The following PTCSC3 variants were observed in gnomAD, a reference collection of about 807,000 sequenced individuals.
PTCSC3 encodes the protein papillary thyroid carcinoma susceptibility candidate 3 (non-protein coding).
rs369733342 is a variant in PTCSC3, at chr14:36,138,669, A to G, written n.323-2313T>C. On this transcript the variant is annotated intron_variant and non_coding_transcript_variant, in intron 3 of 3. Coordinates refer to ENST00000556013, the Ensembl canonical transcript of PTCSC3. ...AATGGCTAAAATTTAAAAGATTGAC[A>G]TAACCAAGTATTGGTGAGAATATGG... 5.3e-5 allele frequency among the ~76,000 whole-genome samples: 8 copies of G among 152,372 alleles called. No individual in the cohort carries two copies. In the East Asian group the frequency reaches 9.6e-4, roughly 18 times the overall value.
chr14:36,147,663 G>A (rs1057126327), intron 3 of PTCSC3, among the ~76,000 whole-genome samples: 17 of 152,014 alleles, frequency 1.1e-4, no homozygotes, highest in South Asian at 2.1e-4. Context: ...CTCTCAGCTC[G>A]TCAAAGTCAT....
chr14:36,145,303 G>T (rs866785179), intron 3 of PTCSC3, among the ~76,000 whole-genome samples: 22 of 151,274 alleles, frequency 1.5e-4, no homozygotes, highest in African/African-American at 5.4e-4. Context: ...ACTCTTTTTG[G>T]TTGGTAAGAT....
At chr14:36,175,186 C>G (rs1882261563) in intron 1 of PTCSC3, among the ~76,000 whole-genome samples, 1 of 152,170 alleles carries the variant, frequency 6.6e-6, no homozygotes, top group Non-Finnish European at 1.5e-5. Context: ...GACTGCCATG[C>G]TCTGCTCAGA....
At chr14:36,139,166 A>T (rs921873016) in intron 3 of PTCSC3, among the ~76,000 whole-genome samples, 1 of 151,712 alleles carries the variant, frequency 6.6e-6, no homozygotes, top group Non-Finnish European at 1.5e-5. Flanking sequence ...CCATACAAAG[A>T]CTGCACATGG....
intron 2 of PTCSC3, among the ~76,000 whole-genome samples, chr14:36,162,272 A>AAAAAC (rs1555331780): frequency 6.6e-6 from 1 of 150,676 alleles, no homozygotes; most frequent in Non-Finnish European, 1.5e-5. Context: ...AAAAAAAAAA[A>AAAAAC]AAAAAAAAAA....
chr14:36,158,803 G>T lies in PTCSC3; in HGVS notation n.231+3821C>A, dbSNP rs114893924. 1.8e-3 allele frequency among the ~76,000 whole-genome samples: 271 copies of T among 152,168 alleles called. 3 individuals are homozygous for T. The highest frequency in any genetic ancestry group is 6.1e-3 in the African/African-American group (254 of 41,534). On this transcript the variant is annotated intron_variant and non_coding_transcript_variant, in intron 2 of 3. Coordinates refer to ENST00000556013, the Ensembl canonical transcript of PTCSC3. ...AGGGAGGAGTCCTTCTTTTTCTTTTGTTTGGAATAGTTTCAGAAGGAACAG... is the reference window on the plus strand; with the variant it reads ...AGGGAGGAGTCCTTCTTTTTCTTTTTTTTGGAATAGTTTCAGAAGGAACAG...
At chr14:36,146,530 T>A (rs1257144983) in intron 3 of PTCSC3, among the ~76,000 whole-genome samples, 2 of 151,994 alleles carry the variant, frequency 1.3e-5, no homozygotes, top group African/African-American at 2.4e-5. Context: ...TCTTCCTCCA[T>A]CCTTTTATTT....
At chr14:36,139,433 C>G (rs1390003992) in intron 3 of PTCSC3, among the ~76,000 whole-genome samples, 2 of 152,082 alleles carry the variant, frequency 1.3e-5, no homozygotes, top group African/African-American at 4.8e-5. Flanking sequence ...TAACTGGGCT[C>G]CAGTTTTAAA....
intron 3 of PTCSC3, among the ~76,000 whole-genome samples, chr14:36,140,903 C>T (rs1431120621): frequency 2.0e-5 from 3 of 151,974 alleles, no homozygotes; most frequent in African/African-American, 4.8e-5. Context: ...AGTTGATTTT[C>T]GTGAAAGGTG....
intron 2 of PTCSC3, among the ~76,000 whole-genome samples, chr14:36,161,721 C>A (rs576070269): frequency 6.6e-6 from 1 of 152,328 alleles, no homozygotes; most frequent in South Asian, 2.1e-4. Context: ...TTTGAGGAGG[C>A]AGTCTGACCC....
chr14:36,135,726 C>G (rs1378786002), downstream of PTCSC3, among the ~76,000 whole-genome samples: 1 of 152,070 alleles, frequency 6.6e-6, no homozygotes, highest in Non-Finnish European at 1.5e-5. Flanking sequence ...TTTTAAATCT[C>G]TTTTATTAGG....
At chr14:36,162,257 GGAAAAAAA>G (rs1566509616) in intron 2 of PTCSC3, among the ~76,000 whole-genome samples, 1 of 59,638 alleles carries the variant, frequency 1.7e-5, no homozygotes, top group Admixed American at 1.7e-4. Flanking sequence ...GCTGGGGTAT[GGAAAAAAA>G]AAAAAAAAAA....
intron 3 of PTCSC3, among the ~76,000 whole-genome samples, chr14:36,152,386 T>C (rs1269966860): frequency 1.1e-4 from 16 of 152,064 alleles, no homozygotes; most frequent in Admixed American, 9.8e-4. Flanking sequence ...GCCCAGGAAT[T>C]TGAGTCTACA....
At position 36,174,158 on chromosome 14, in the gene PTCSC3, G is replaced by T. The variant is rs935679445; in HGVS notation, n.171+2140C>A. Among the ~76,000 whole-genome samples the T allele has an allele frequency of 2.0e-5, 3 of 152,058 alleles. No individual in the cohort carries two copies. In the East Asian group the frequency reaches 5.8e-4, roughly 29 times the overall value. On this transcript the variant is annotated intron_variant and non_coding_transcript_variant, in intron 1 of 3. Transcript: ENST00000556013. ...TCAAATGTGGGGAGTTCGGGGCCAT[G>T]ATTTCTTCCAATTATTTTTGCCTCA...
chr14:36,149,697 T>G (rs1234434249), intron 3 of PTCSC3, among the ~76,000 whole-genome samples: 1 of 152,242 alleles, frequency 6.6e-6, no homozygotes, highest in Non-Finnish European at 1.5e-5. Flanking sequence ...ACACTTTTAT[T>G]AATATATAAC....
rs1188686009 is a variant in PTCSC3 at position 36,145,661 on chromosome 14, T to C, written n.322+8143A>G. Among the ~76,000 whole-genome samples, 2 of 86,150 alleles carry C rather than the reference T, an allele frequency of 2.3e-5. 1 individual carries two copies. The highest frequency in any genetic ancestry group is 7.5e-5 in the African/African-American group (2 of 26,550). The allele number at this position is 86,150 out of a possible 152,430, so 56.5% of individuals were successfully genotyped here. On this transcript the variant is annotated intron_variant and non_coding_transcript_variant, in intron 3 of 3. Coordinates refer to ENST00000556013, the Ensembl canonical transcript of PTCSC3. ...AGGGTTTTTTTGTGTCTCTATTTCC[T>C]TCAGTTCTGCTCTGATTTTAGTTAT...
chr14:36,170,173 A>G (rs1265069547), intron 1 of PTCSC3, among the ~76,000 whole-genome samples: 1 of 151,880 alleles, frequency 6.6e-6, no homozygotes, highest in African/African-American at 2.4e-5. Context: ...AAGTATTTTT[A>G]TAATTAAAAA....
chr14:36,149,003 C>G lies in PTCSC3; in HGVS notation n.322+4801G>C, dbSNP rs140050826. On this transcript the variant is annotated intron_variant and non_coding_transcript_variant, in intron 3 of 3. Coordinates refer to ENST00000556013, the Ensembl canonical transcript of PTCSC3. ...TCCCCTTTTTCAATTTTGTTAATTT[C>G]CACTCTAATTTTTATTAGCTCTTTT... Among the ~76,000 whole-genome samples, 318 of 151,800 alleles carry G rather than the reference C, an allele frequency of 2.1e-3. 4 individuals are homozygous for G. The highest frequency in any genetic ancestry group is 1.3e-3 in the Non-Finnish European group (87 of 67,926).
chr14:36,156,440 T>C (rs1881827075), intron 2 of PTCSC3, among the ~76,000 whole-genome samples: 1 of 150,310 alleles, frequency 6.7e-6, no homozygotes, highest in Non-Finnish European at 1.5e-5. Flanking sequence ...TCTTCATTCA[T>C]TCCTTTTTCT....
Sources: gnomAD v4.1 joint callset for allele counts (sites outside exome capture counted in the v4.1 genomes callset) on GRCh38, gnomAD v4.1.1 for gene constraint, MANE v1.5 for transcripts, NCBI Gene and HGNC (gene_info 2026-07-23, HGNC 2026-07-21) for gene names.